Variants in RSU1 observed in about 807,000 individuals in gnomAD.
RSU1 encodes the protein Ras suppressor protein 1, also known as rsu-1.
Under a neutral mutation model 31.1 loss-of-function variants are expected in RSU1, and 26 were observed. The ratio of observed to expected loss-of-function variants is 0.84; its 90% CI spans 0.61 to 1.16. The LOEUF (loss-of-function observed/expected upper bound fraction) is 1.16. Ranked by LOEUF, RSU1 falls within the 50% of genes most tolerant of loss-of-function variation. The pLI is 0.00. For missense variants in RSU1, 320 were observed against 339.1 expected (o/e 0.94, Z 0.44); for synonymous variants, 164 against 136.3 (o/e 1.20, Z -1.41).
chr10:16,740,511 A>G (rs1836728394), intron 7 of RSU1, among the ~76,000 whole-genome samples: 1 of 152,194 alleles, frequency 6.6e-6, no homozygotes, highest in African/African-American at 2.4e-5. Context: ...TTGCCAAGAA[A>G]ATAAAATTAA....
intron 8 of RSU1, among the ~76,000 whole-genome samples, chr10:16,616,525 TCATGCTAATAC>T (rs1187310903): frequency 6.6e-6 from 1 of 152,090 alleles, no homozygotes; most frequent in Non-Finnish European, 1.5e-5. Context: ...GAGGCCAGCA[TCATGCTAATAC>T]CAAAAACTGT....
At chr10:16,651,292 A>G (rs1041959993) in intron 8 of RSU1, among the ~76,000 whole-genome samples, 1 of 152,332 alleles carries the variant, frequency 6.6e-6, no homozygotes, top group East Asian at 1.9e-4. Context: ...TTTAATGATG[A>G]AACTTATTCA....
intron 4 of RSU1, among the ~76,000 whole-genome samples, chr10:16,755,959 CA>C (rs1395611323): frequency 6.6e-6 from 1 of 152,200 alleles, no homozygotes; most frequent in African/African-American, 2.4e-5. Flanking sequence ...CTGCTTTACA[CA>C]AAAACTCAAA....
At chr10:16,772,626 AGAG>A (rs1344615107) in intron 3 of RSU1, among the ~76,000 whole-genome samples, 1 of 140,732 alleles carries the variant, frequency 7.1e-6, no homozygotes, top group Non-Finnish European at 1.5e-5. Flanking sequence ...CTGGAAAGAG[AGAG>A]GAGTAGAATA....
intron 2 of RSU1, among the ~76,000 whole-genome samples, chr10:16,807,260 A>T (rs775925090): frequency 1.3e-5 from 2 of 152,244 alleles, no homozygotes; most frequent in Non-Finnish European, 1.5e-5. Flanking sequence ...CCTCACCCTT[A>T]AAATTATAAG....
intron 2 of RSU1, among the ~76,000 whole-genome samples, chr10:16,783,341 A>C: frequency 6.7e-6 from 1 of 148,558 alleles, no homozygotes; most frequent in African/African-American, 2.5e-5. Flanking sequence ...AATATGCATC[A>C]CTTCTACTGA....
chr10:16,700,137 G>C (rs182875284), intron 7 of RSU1, among the ~76,000 whole-genome samples: 1 of 152,070 alleles, frequency 6.6e-6, no homozygotes, highest in East Asian at 1.9e-4. Context: ...TCAAAATCCT[G>C]AAACATGTGG....
chr10:16,615,123 G>T lies in RSU1; in HGVS notation c.732-21627C>A, dbSNP rs141637811. On this transcript the variant is annotated intron_variant, in intron 8 of 8. Coordinates refer to ENST00000345264, the MANE Select transcript of RSU1 (RefSeq NM_012425.4). ...AAAAGTCAAGACCCATTGGTGTGCT[G>T]TATTCAGGAGACCCATCTCACGTGC... Among the ~76,000 whole-genome samples the T allele has an allele frequency of 3.3e-3, 496 of 152,106 alleles. 2 individuals are homozygous for T. The highest frequency in any genetic ancestry group is 0.011 in the African/African-American group (468 of 41,492).
rs1369848108 is a variant in RSU1 at position 16,805,679 on chromosome 10, A to C, written c.109+11294T>G. On this transcript the variant is annotated intron_variant, in intron 2 of 8. Transcript: ENST00000345264. ...GAGACTCCGTCTCAAAAAAAAAAAA[A>C]AAAAGCTTTTTTTTTTTTAAAGAGG... is the stretch of plus-strand genomic sequence containing the variant. Among the ~76,000 whole-genome samples, 7 of 151,906 alleles carry C rather than the reference A, an allele frequency of 4.6e-5. No individual in the cohort carries two copies. In the South Asian group the frequency reaches 6.2e-4, roughly 13 times the overall value.
At chr10:16,763,270 A>T (rs1301186185) in intron 4 of RSU1, among the ~76,000 whole-genome samples, 1 of 152,132 alleles carries the variant, frequency 6.6e-6, no homozygotes, top group African/African-American at 2.4e-5. Flanking sequence ...TGGGTAACTT[A>T]CAAGAAAAGA....
chr10:16,695,160 G>A lies in RSU1; in HGVS notation c.599-5C>T, dbSNP rs570985776. 4.5e-5 allele frequency: 67 copies of A among 1,476,268 alleles called. 1 individual carries two copies. The highest frequency in any genetic ancestry group is 7.7e-5 in the East Asian group (3 of 39,060). The allele number at this position is 1,476,268 out of a possible 1,614,324, so 91.4% of individuals were successfully genotyped here. A position where few individuals can be genotyped will look rare whatever the true frequency, so the allele number is the denominator to read the frequency against. On this transcript the variant is annotated splice_region_variant and splice_polypyrimidine_tract_variant and intron_variant, in intron 7 of 8. Transcript: ENST00000345264. ...GGCCAGTTAAATCCAAGTTTCCTGGGGGGGGGGAAAAAAAAAGTGAAGGTC... is the reference window on the plus strand; with the variant it reads ...GGCCAGTTAAATCCAAGTTTCCTGGAGGGGGGGAAAAAAAAAGTGAAGGTC...
At chr10:16,682,460 A>C (rs1835344169) in intron 8 of RSU1, among the ~76,000 whole-genome samples, 1 of 151,938 alleles carries the variant, frequency 6.6e-6, no homozygotes, top group Non-Finnish European at 1.5e-5. Flanking sequence ...AAAATATAGT[A>C]ATTAAGAAAA....
At chr10:16,672,142 CAAAA>C (rs528486452) in intron 8 of RSU1, among the ~76,000 whole-genome samples, 177 of 112,506 alleles carry the variant, frequency 1.6e-3, no homozygotes, top group Middle Eastern at 0.01. Context: ...ACTAAAAATA[CAAAA>C]AAAAAAAAAA....
chr10:16,734,068 T>G (rs886300440), intron 7 of RSU1, among the ~76,000 whole-genome samples: 1 of 152,200 alleles, frequency 6.6e-6, no homozygotes, highest in Non-Finnish European at 1.5e-5. Context: ...TGCTAAACTG[T>G]CGGAACACAC....
At chr10:16,615,826 T>A (rs947099352) in intron 8 of RSU1, among the ~76,000 whole-genome samples, 2 of 152,056 alleles carry the variant, frequency 1.3e-5, no homozygotes, top group East Asian at 3.8e-4. Context: ...CTGAAACCAA[T>A]GAGAACAAAG....
At chr10:16,639,102 T>C (rs1363474076) in intron 8 of RSU1, among the ~76,000 whole-genome samples, 1 of 152,234 alleles carries the variant, frequency 6.6e-6, no homozygotes, top group Non-Finnish European at 1.5e-5. Flanking sequence ...GGTAAATTAT[T>C]TCTTGGATAT....
chr10:16,803,906 T>C (rs1246493989), intron 2 of RSU1, among the ~76,000 whole-genome samples: 1 of 152,112 alleles, frequency 6.6e-6, no homozygotes, highest in Non-Finnish European at 1.5e-5. Flanking sequence ...AAAAATCTAG[T>C]TGACCTGAGA....
intron 3 of RSU1, among the ~76,000 whole-genome samples, chr10:16,777,943 C>G (rs1370601675): frequency 1.3e-5 from 2 of 151,724 alleles, no homozygotes; most frequent in African/African-American, 4.8e-5. Context: ...AGTAACACAT[C>G]ACAGCCCATC....
At chr10:16,773,515 C>T (rs546831894) in intron 3 of RSU1, among the ~76,000 whole-genome samples, 1 of 152,318 alleles carries the variant, frequency 6.6e-6, no homozygotes, top group East Asian at 1.9e-4. Flanking sequence ...CCTAACGGGA[C>T]GTCAAGTGCA....
Sources: gnomAD v4.1 joint callset for allele counts (sites outside exome capture counted in the v4.1 genomes callset) on GRCh38, gnomAD v4.1.1 for gene constraint, MANE v1.5 for transcripts, NCBI Gene and HGNC (gene_info 2026-07-23, HGNC 2026-07-21) for gene names.